Variants in DPF1 observed in about 807,000 individuals in gnomAD.
The protein encoded by DPF1 is double PHD fingers 1, also known as zinc finger protein neuro-d4.
A neutral mutation model predicts 58.7 loss-of-function variants in DPF1; 14 were observed. That is an observed-to-expected ratio of 0.24 (90% CI 0.16 to 0.37). The LOEUF (loss-of-function observed/expected upper bound fraction) is 0.37. Among genes scored for constraint, DPF1 ranks in the 10% least tolerant of loss-of-function variants. The pLI, the probability that DPF1 is intolerant of heterozygous loss-of-function variation, is 1.00. For missense variants in DPF1, 345 were observed against 529.9 expected (o/e 0.65, Z 3.43); for synonymous variants, 216 against 216.0 (o/e 1.00, Z 0.00).
chr19:38,222,931 T>G lies in DPF1; in HGVS notation c.30-223A>C, dbSNP rs958369704. The stretch of plus-strand genomic sequence containing the variant: ...CTCAAACAGGCCCCCAGCTCATGAG[T>G]AGAAACACGATACAGAAACAAACAA... On this transcript the variant is annotated intron_variant, in intron 1 of 11. Coordinates refer to ENST00000355526, the MANE Select transcript of DPF1 (RefSeq NM_001135155.3). The surrounding 1 kb of genome is among the most constrained non-coding windows in gnomAD (Gnocchi z 4.9). 12 of 545,332 alleles carry G rather than the reference T, an allele frequency of 2.2e-5. No homozygotes were observed. The highest frequency in any genetic ancestry group is 3.7e-5 in the Non-Finnish European group (12 of 320,456). 33.8% of individuals were successfully genotyped at this position (545,332 alleles called of 1,614,324 possible). A position where few individuals can be genotyped will look rare whatever the true frequency, so the allele number is the denominator to read the frequency against.
upstream of DPF1, among the ~76,000 whole-genome samples, chr19:38,226,835 C>A (rs1018636111): frequency 6.6e-6 from 1 of 152,086 alleles, no homozygotes; most frequent in Non-Finnish European, 1.5e-5. Flanking sequence ...ACACCGCTAG[C>A]CTCAGACACG....
intron 9 of DPF1, among the ~76,000 whole-genome samples, chr19:38,215,063 G>T (rs964976614): frequency 6.6e-6 from 1 of 151,274 alleles, no homozygotes; most frequent in Non-Finnish European, 1.5e-5. Context: ...TTGATCTCTT[G>T]ACCTCATGAT....
chr19:38,216,510 G>T, intron 7 of DPF1, 107 bp from the exon 8 acceptor site: 1 of 1,331,678 alleles, frequency 7.5e-7, no homozygotes, highest in Non-Finnish European at 1.0e-6. Context: ...GTGGGGAGCT[G>T]GGAAGAGTGA....
At chr19:38,219,126 G>A in intron 3 of DPF1, 68 bp from the exon 4 acceptor site, 1 of 1,589,962 alleles carries the variant, frequency 6.3e-7, no homozygotes, top group South Asian at 1.1e-5. Context: ...AACTATGCAG[G>A]TGGGGGGACC....
Position 38,212,000 on chromosome 19 carries a change from T to G in DPF1, c.*63A>C. 1.3e-6 allele frequency: 2 copies of G among 1,555,954 alleles called. No individual in the cohort carries two copies. The highest frequency in any genetic ancestry group is 1.3e-5 in the African/African-American group (1 of 74,110). On this transcript the variant is annotated 3_prime_UTR_variant, in exon 12 of 12. Transcript: ENST00000355526. The surrounding 1 kb of genome is among the most constrained non-coding windows in gnomAD (Gnocchi z 4.0). Reference sequence around the variant, plus strand: ...GCGGGATGTTCAGGGTGGGGGAGAATTGAGGAGCTCGGAGAGGCAGGTAGG... The same window carrying G: ...GCGGGATGTTCAGGGTGGGGGAGAAGTGAGGAGCTCGGAGAGGCAGGTAGG...
chr19:38,224,372 G>C, upstream of DPF1: 1 of 1,072,284 alleles, frequency 9.3e-7, no homozygotes, highest in Non-Finnish European at 1.2e-6. This position sits in a 1 kb window ranked among gnomAD's most constrained non-coding sequence, Gnocchi z 4.5. Context: ...GAGGGGCCCG[G>C]GGCACGCACC....
intron 10 of DPF1, 47 bp downstream of exon 10, chr19:38,213,597 C>G: frequency 6.4e-7 from 1 of 1,556,338 alleles, no homozygotes. Flanking sequence ...GGTGGACGTG[C>G]CAGGCGGGGC....
In DPF1 at chr19:38,213,620, A is replaced by G. The variant is rs1245905948; in HGVS notation, c.1011+24T>C. The G allele has an allele frequency of 3.1e-6, 5 of 1,602,244 alleles. No homozygotes were observed. The South Asian group carries it at 5.5e-5, about 18-fold the overall frequency. Reference sequence around the variant, plus strand: ...TGCCAGGCGGGGCGGGCAGCAGGGCACGCGGGGGGCGGGCGGCACTCACGT... The same window carrying G: ...TGCCAGGCGGGGCGGGCAGCAGGGCGCGCGGGGGGCGGGCGGCACTCACGT... On this transcript the variant is annotated intron_variant, in intron 10 of 11. Transcript: ENST00000355526.
rs1275445745 is a variant in DPF1, at chr19:38,229,567, C to T, written c.-140G>A. The T allele has an allele frequency of 1.7e-6, 2 of 1,183,464 alleles. No individual in the cohort carries two copies. The highest frequency in any genetic ancestry group is 2.1e-6 in the Non-Finnish European group (2 of 957,368). 73.3% of individuals were successfully genotyped at this position (1,183,464 alleles called of 1,614,324 possible). A position where few individuals can be genotyped will look rare whatever the true frequency, so the allele number is the denominator to read the frequency against. ...ACGGCAGGGACACTCACGACTTGAG[C>T]GGGTTCTGAATGGCGGTGGCCATGG... On this transcript the variant is annotated 5_prime_UTR_variant, in exon 1 of 12. Transcript: ENST00000412732. This position sits in a 1 kb window ranked among gnomAD's most constrained non-coding sequence, Gnocchi z 5.3.
chr19:38,222,454 C>T lies in DPF1; in HGVS notation c.201G>A (p.Pro67=), dbSNP rs756068867. The T allele has an allele frequency of 3.8e-6, 6 of 1,583,960 alleles. No individual in the cohort carries two copies. The highest frequency in any genetic ancestry group is 5.1e-6 in the Non-Finnish European group (6 of 1,170,922). The change falls in exon 3 of 12, where the codon CCG becomes CCA. Residue 67 remains proline (P), a synonymous_variant. Coordinates refer to ENST00000355526, the MANE Select transcript of DPF1 (RefSeq NM_001135155.3). This position sits in a 1 kb window ranked among gnomAD's most constrained non-coding sequence, Gnocchi z 4.9. The stretch of plus-strand genomic sequence containing the variant: ...GGGCGGGGTACGTGTAAATCTGTCC[C>T]GGGGCCAAACCTGGAGAGAGAGGGG... ...EKTHRGPGLA[P]GQIYTYPARC...
In DPF1 at chr19:38,224,119, G is replaced by GGGGC; in HGVS notation, c.20_23dup (p.Leu9ProfsTer95). 1 of 1,499,074 alleles carries GGGGC rather than the reference G, an allele frequency of 6.7e-7. No individual in the cohort carries two copies. Among genetic ancestry groups the GGGGC allele is most frequent in the South Asian group, 1.4e-5 (1 of 73,382 alleles). The allele number at this position is 1,499,074 out of a possible 1,614,324, so 92.9% of individuals were successfully genotyped here. A position where few individuals can be genotyped will look rare whatever the true frequency, so the allele number is the denominator to read the frequency against. On this transcript the variant is annotated frameshift_variant, in exon 1 of 12. Transcript: ENST00000355526. LOFTEE classifies it high-confidence loss of function. This position sits in a 1 kb window ranked among gnomAD's most constrained non-coding sequence, Gnocchi z 4.5. ...CTCCCGCCGGCCCGCACCACCTCAGGGGGCCAGGGATGACAGTGGCCATCT... is the reference window on the plus strand; with the variant it reads ...CTCCCGCCGGCCCGCACCACCTCAGGGGGCGGGCCAGGGATGACAGTGGCCATCT...
intron 6 of DPF1, 39 bp downstream of exon 6, chr19:38,217,759 C>G (rs751398827): frequency 4.3e-5 from 70 of 1,612,528 alleles, no homozygotes; most frequent in Middle Eastern, 3.4e-4. Context: ...TCTCTGGGCA[C>G]CCCTCTCTCT....
upstream of DPF1, chr19:38,224,229 C>T: frequency 7.7e-7 from 1 of 1,290,548 alleles, no homozygotes. The surrounding 1 kb of genome is among the most constrained non-coding windows in gnomAD (Gnocchi z 4.5). Context: ...CCCATCCATT[C>T]ATTCCCGGGG....
At position 38,229,430 on chromosome 19, in the gene DPF1, T is replaced by G; in HGVS notation, c.-132+129A>C. ...GGGGTGGGGACCCCCGGGGCAAGGG[T>G]TCGCGCTGGGGGCCCCCATTCAACT... On this transcript the variant is annotated intron_variant, in intron 1 of 11. Coordinates refer to the DPF1 transcript ENST00000412732. The surrounding 1 kb of genome is among the most constrained non-coding windows in gnomAD (Gnocchi z 5.3). 3 of 337,012 alleles carry G rather than the reference T, an allele frequency of 8.9e-6. No homozygotes were observed. The highest frequency in any genetic ancestry group is 1.3e-5 in the Non-Finnish European group (3 of 227,380). 20.9% of individuals were successfully genotyped at this position (337,012 alleles called of 1,614,324 possible).
chr19:38,217,328 G>A (rs569600250), intron 7 of DPF1, 132 bp downstream of exon 7: 248 of 1,250,292 alleles, frequency 2.0e-4, no homozygotes, highest in Admixed American at 2.6e-4. Flanking sequence ...CCCCATGGTC[G>A]GTGGGGGGAG....
intron 10 of DPF1, among the ~76,000 whole-genome samples, chr19:38,213,025 A>T (rs1192784552): frequency 7.1e-6 from 1 of 140,124 alleles, no homozygotes; most frequent in African/African-American, 2.7e-5. Flanking sequence ...TCGCTCTGTC[A>T]CCCAGGCTGG....
intron 9 of DPF1, among the ~76,000 whole-genome samples, chr19:38,214,831 CTTTT>C (rs36047300): frequency 4.5e-5 from 4 of 89,406 alleles, no homozygotes; most frequent in African/African-American, 4.7e-5. Context: ...TATGCCCAGC[CTTTT>C]TTTTTTTTTT....
intron 4 of DPF1, 34 bp downstream of exon 4, chr19:38,218,897 C>G: frequency 6.2e-7 from 1 of 1,611,560 alleles, no homozygotes. Context: ...TGAGACGAAG[C>G]CATGCAGCGG....
At chr19:38,223,995 C>T in intron 1 of DPF1, 119 bp downstream of exon 1, 2 of 1,301,982 alleles carry the variant, frequency 1.5e-6, no homozygotes, top group Non-Finnish European at 2.0e-6. Context: ...CCCGCGCAGC[C>T]CCGCACTCGG....
Sources: allele counts gnomAD v4.1 joint callset (sites outside exome capture counted in the v4.1 genomes callset), GRCh38; gene constraint gnomAD v4.1.1; non-coding constraint Gnocchi (gnomAD v3.1); transcripts MANE v1.5; gene names NCBI Gene and HGNC (gene_info 2026-07-23, HGNC 2026-07-21).